The following COL4A5 variants were observed in gnomAD, a reference collection of about 807,000 sequenced individuals.
COL4A5 encodes collagen type IV alpha 5 chain.
COL4A5 carries 26 observed loss-of-function variants against 130.2 expected under a neutral mutation model. That is an observed-to-expected ratio of 0.20 (90% confidence interval 0.15 to 0.28). The LOEUF (loss-of-function observed/expected upper bound fraction) is 0.28, where lower values mean the gene tolerates loss of function less well. Ranked by LOEUF, COL4A5 falls within the 10% of genes least tolerant of loss-of-function variation. The pLI is 1.00. For missense variants in COL4A5, 1,131 were observed against 1,344.3 expected (o/e 0.84, Z 2.48); for synonymous variants, 496 against 439.6 (o/e 1.13, Z -1.60).
intron 42 of COL4A5, among the ~76,000 whole-genome samples, chrX:108,674,018 G>A (rs747686043): frequency 9.2e-6 from 1 of 108,691 alleles, no homozygotes; most frequent in African/African-American, 3.3e-5. Flanking sequence ...CTCCAGCCTG[G>A]GCGACAGAGT....
At chrX:108,584,886 G>A (rs2066310527) in intron 18 of COL4A5, among the ~76,000 whole-genome samples, 1 of 109,277 alleles carries the variant, frequency 9.2e-6, no homozygotes, top group Admixed American at 9.8e-5. Flanking sequence ...AGTTGGGGTG[G>A]GGGTGGGGGA....
rs1276235525 is a variant in COL4A5 at position 108,687,624 on chromosome X, A to G, written c.4458A>G (p.Thr1486=). 2 of 1,211,676 alleles carry G rather than the reference A, an allele frequency of 1.7e-6. No homozygotes were observed. The highest frequency in any genetic ancestry group is 3.0e-5 in the East Asian group (1 of 33,814). ...ATGCACCACAATGCCCACAGGGAACACTTCAGGTCTATGAAGGCTTTTCTC... is the reference window on the plus strand; with the variant it reads ...ATGCACCACAATGCCCACAGGGAACGCTTCAGGTCTATGAAGGCTTTTCTC... ...TTDAPQCPQG[T]LQVYEGFSLL... is the part of the protein sequence containing the mutation. Residue 1486 remains threonine (T), a synonymous_variant, in exon 49 of 53, where the codon ACA becomes ACG. Transcript: ENST00000328300.
chrX:108,695,573 GTTC>G, intron 52 of COL4A5, 134 bp downstream of exon 52: 1 of 703,427 alleles, frequency 1.4e-6, no homozygotes, highest in Non-Finnish European at 2.2e-6. Context: ...ATTCTTGCTT[GTTC>G]TTCTCATATA....
chrX:108,574,836 G>A (rs773114712), intron 9 of COL4A5, among the ~76,000 whole-genome samples: 1 of 110,963 alleles, frequency 9.0e-6, no homozygotes, highest in Non-Finnish European at 1.9e-5. Context: ...TGCCCAGACC[G>A]GAGTGCAGTG....
Position 108,695,396 on chromosome X carries a change from T to A in COL4A5, c.4951T>A (p.Tyr1651Asn). The A allele has an allele frequency of 8.3e-7, 1 of 1,211,682 alleles. No individual in the cohort carries two copies. Among genetic ancestry groups the A allele is most frequent in the Non-Finnish European group, 1.1e-6 (1 of 895,416 alleles). The change falls in exon 52 of 53, where the codon TAC (tyrosine) becomes AAC (asparagine). Residue 1651 changes from tyrosine (Y) to asparagine (N), a missense_variant. Tyr to Asn is a moderately radical substitution (Grantham distance 143). Transcript: ENST00000328300. ...TACCTGTAACTACTATGCCAACTCC[T>A]ACAGCTTTTGGCTGGCAACTGTAGA... ...RGTCNYYANSYSFWLATVDVS... is the reference protein window; with the variant it reads ...RGTCNYYANSNSFWLATVDVS...
At chrX:108,526,239 G>A (rs1399234265) in intron 1 of COL4A5, among the ~76,000 whole-genome samples, 1 of 111,980 alleles carries the variant, frequency 8.9e-6, no homozygotes, top group African/African-American at 3.2e-5. Flanking sequence ...GGAAGGAGCA[G>A]GTCATAATGC....
At chrX:108,473,725 A>G (rs2064805589) in intron 1 of COL4A5, among the ~76,000 whole-genome samples, 1 of 98,465 alleles carries the variant, frequency 1.0e-5, no homozygotes, top group Non-Finnish European at 2.0e-5. Flanking sequence ...TCTGCCTCCC[A>G]AGTTCAAGCG....
At chrX:108,567,232 A>G (rs1055599450) in intron 4 of COL4A5, among the ~76,000 whole-genome samples, 2 of 112,312 alleles carry the variant, frequency 1.8e-5, no homozygotes, top group African/African-American at 6.5e-5. Context: ...ACCATGTTTG[A>G]TGAAAGGCAC....
At chrX:108,588,596 GA>G (rs1569492555) in intron 19 of COL4A5, among the ~76,000 whole-genome samples, 1 of 109,622 alleles carries the variant, frequency 9.1e-6, no homozygotes, top group Non-Finnish European at 1.9e-5. Flanking sequence ...GGCAGCATTT[GA>G]AAAAAAATAA....
rs143736084 is a variant in COL4A5, at chrX:108,471,156, A to G, written c.81+30950A>G. ...CTTTTTTGGTTCCATATGAATGTAT[A>G]AATAGTCTTTTTCTAATTCTGTGAA... On this transcript the variant is annotated intron_variant, in intron 1 of 52. Coordinates refer to ENST00000328300, the MANE Select transcript of COL4A5 (RefSeq NM_033380.3). Among the ~76,000 whole-genome samples, 94 of 111,990 alleles carry G rather than the reference A, an allele frequency of 8.4e-4. No homozygotes were observed. In the East Asian group the frequency reaches 0.018, roughly 22 times the overall value.
intron 2 of COL4A5, among the ~76,000 whole-genome samples, chrX:108,547,090 T>A (rs955838101): frequency 7.1e-5 from 8 of 112,263 alleles, no homozygotes; most frequent in Non-Finnish European, 1.5e-4. Context: ...TGATCATCTG[T>A]AGCCTTCTTC....
At chrX:108,667,659 A>G (rs1288175256) in intron 40 of COL4A5, among the ~76,000 whole-genome samples, 1 of 110,072 alleles carries the variant, frequency 9.1e-6, no homozygotes, top group Admixed American at 9.7e-5. Context: ...CTGAATGTAC[A>G]TACAGACATG....
intron 1 of COL4A5, among the ~76,000 whole-genome samples, chrX:108,443,579 C>T (rs1422605473): frequency 9.0e-6 from 1 of 111,489 alleles, no homozygotes; most frequent in Admixed American, 9.6e-5. Context: ...AGATATATAT[C>T]TTTAGTCTTA....
chrX:108,654,251 C>T (rs1209462443), intron 36 of COL4A5, among the ~76,000 whole-genome samples: 1 of 112,492 alleles, frequency 8.9e-6, no homozygotes, highest in Admixed American at 9.4e-5. Context: ...TTGGAAAAAA[C>T]CTTAATGCAA....
At chrX:108,623,032 A>ATCACGAGCT (rs2067087172) in intron 33 of COL4A5, among the ~76,000 whole-genome samples, 1 of 112,390 alleles carries the variant, frequency 8.9e-6, no homozygotes, top group South Asian at 3.7e-4. Flanking sequence ...TAGTTTACCT[A>ATCACGAGCT]TCACGAGCTT....
chrX:108,518,339 CAT>C (rs2065238788), intron 1 of COL4A5, among the ~76,000 whole-genome samples: 1 of 111,484 alleles, frequency 9.0e-6, no homozygotes, highest in Non-Finnish European at 1.9e-5. Flanking sequence ...CCATCCAAAA[CAT>C]AAAGTTATAG....
chrX:108,640,614 A>G (rs1458278486), intron 36 of COL4A5, among the ~76,000 whole-genome samples: 1 of 111,628 alleles, frequency 9.0e-6, no homozygotes. Flanking sequence ...TGTGGATATG[A>G]GTATAAGGTT....
intron 1 of COL4A5, among the ~76,000 whole-genome samples, chrX:108,529,262 C>G (rs762303794): frequency 8.9e-6 from 1 of 111,779 alleles, no homozygotes; most frequent in African/African-American, 3.2e-5. Context: ...CACAGATAAG[C>G]AAATGCTGAG....
intron 2 of COL4A5, among the ~76,000 whole-genome samples, chrX:108,550,352 G>A (rs1020850801): frequency 8.9e-6 from 1 of 111,820 alleles, no homozygotes; most frequent in Non-Finnish European, 1.9e-5. Context: ...TCTATGCCAG[G>A]AATCCATGTT....
Sources: allele counts gnomAD v4.1 joint callset (sites outside exome capture counted in the v4.1 genomes callset), GRCh38; gene constraint gnomAD v4.1.1; transcripts MANE v1.5; gene names NCBI Gene and HGNC (gene_info 2026-07-23, HGNC 2026-07-21).